The following MARCHF1 variants were observed in gnomAD, a reference collection of about 807,000 sequenced individuals.
MARCHF1 encodes membrane associated ring-CH-type finger 1.
MARCHF1 carries 40 observed loss-of-function variants against 54.2 expected under a neutral mutation model. The observed-to-expected ratio is 0.74, with a 90% CI of 0.57 to 0.96. MARCHF1 has a LOEUF of 0.96. Among genes scored for constraint, MARCHF1 ranks in the 40% least tolerant of loss-of-function variants. The pLI, the probability that MARCHF1 is intolerant of heterozygous loss-of-function variation, is 0.00. For missense variants in MARCHF1, 586 were observed against 656.5 expected (o/e 0.89, Z 1.17); for synonymous variants, 236 against 236.3 (o/e 1.00, Z 0.01).
intron 1 of MARCHF1, among the ~76,000 whole-genome samples, chr4:164,144,625 A>T (rs1448488104): frequency 0.15 from 20,012 of 137,538 alleles, 2,198 homozygotes; most frequent in African/African-American, 0.33. Context: ...GAAACCAACG[A>T]GAACAAAGAC....
chr4:164,016,552 C>A (rs140753197), intron 2 of MARCHF1, among the ~76,000 whole-genome samples: 1 of 152,056 alleles, frequency 6.6e-6, no homozygotes, highest in East Asian at 1.9e-4. Context: ...TGAAATAAGC[C>A]AGGAAGAGAA....
At chr4:163,831,244 G>T (rs975425779) in intron 4 of MARCHF1, among the ~76,000 whole-genome samples, 5 of 152,134 alleles carry the variant, frequency 3.3e-5, no homozygotes, top group Admixed American at 6.5e-5. Flanking sequence ...CAAGGAAATT[G>T]CCCAGGTGGA....
intron 3 of MARCHF1, among the ~76,000 whole-genome samples, chr4:163,983,836 G>T (rs1377992937): frequency 1.3e-5 from 2 of 152,192 alleles, no homozygotes; most frequent in East Asian, 3.9e-4. Context: ...AGGTTAAGTT[G>T]TCTTAACTGT....
intron 1 of MARCHF1, among the ~76,000 whole-genome samples, chr4:164,345,300 T>C (rs1230011756): frequency 6.6e-6 from 1 of 152,026 alleles, no homozygotes; most frequent in African/African-American, 2.4e-5. Context: ...GGCACAGTGG[T>C]TCAGGCCTGT....
At chr4:163,566,206 T>C (rs1739639931) in intron 8 of MARCHF1, among the ~76,000 whole-genome samples, 1 of 152,220 alleles carries the variant, frequency 6.6e-6, no homozygotes, top group Admixed American at 6.5e-5. Context: ...TAAACTGCAG[T>C]ATGAGTTTCA....
At chr4:163,844,679 T>A (rs995588424) in intron 4 of MARCHF1, among the ~76,000 whole-genome samples, 4 of 152,212 alleles carry the variant, frequency 2.6e-5, no homozygotes, top group Non-Finnish European at 4.4e-5. Context: ...TGAATGAGAA[T>A]ATAGCCAATC....
At chr4:163,689,389 G>T (rs1478409444) in intron 5 of MARCHF1, among the ~76,000 whole-genome samples, 3 of 152,190 alleles carry the variant, frequency 2.0e-5, no homozygotes, top group Admixed American at 6.5e-5. Flanking sequence ...GTTTTCTAGA[G>T]AAGTAATATC....
At chr4:163,826,273 C>T (rs538824426) in intron 4 of MARCHF1, among the ~76,000 whole-genome samples, 30 of 151,892 alleles carry the variant, frequency 2.0e-4, no homozygotes, top group African/African-American at 6.8e-4. Flanking sequence ...TTTACTTGCC[C>T]ACTGTAGATC....
rs565148943 is a variant in MARCHF1 at position 164,058,557 on chromosome 4, T to G, written c.-248+53031A>C. On this transcript the variant is annotated intron_variant, in intron 2 of 9. Coordinates refer to ENST00000514618, the MANE Select transcript of MARCHF1 (RefSeq NM_001394959.1). ...ATTCTTAATAATTTTATATTTGAAT[T>G]TATGTTTTGCTAGTGAAGCCTATGG... 1.0e-3 allele frequency among the ~76,000 whole-genome samples: 155 copies of G among 152,254 alleles called. 1 individual carries two copies. Among genetic ancestry groups the G allele is most frequent in the African/African-American group, 3.2e-3 (133 of 41,528 alleles).
intron 2 of MARCHF1, among the ~76,000 whole-genome samples, chr4:164,082,171 A>C (rs1755115621): frequency 2.0e-5 from 3 of 152,336 alleles, no homozygotes; most frequent in African/African-American, 7.2e-5. Flanking sequence ...AAATTCTCTG[A>C]AGAGCACACA....
rs1266424308 is a variant in MARCHF1, at chr4:163,526,524, G to A, written c.*2224C>T. 2 of 151,968 alleles carry A rather than the reference G, an allele frequency of 1.3e-5. No homozygotes were observed. Among genetic ancestry groups the A allele is most frequent in the Non-Finnish European group, 2.9e-5 (2 of 67,924 alleles). The allele number at this position is 151,968 out of a possible 1,614,324, so 9.4% of individuals were successfully genotyped here. ...CAATTAACAGGAAAATTGCATTAAG[G>A]TTAATCCCTTGGATATGGTGCCATG... On this transcript the variant is annotated 3_prime_UTR_variant, in exon 10 of 10. Coordinates refer to ENST00000514618, the MANE Select transcript of MARCHF1 (RefSeq NM_001394959.1).
intron 4 of MARCHF1, among the ~76,000 whole-genome samples, chr4:163,737,515 T>G (rs1330594341): frequency 9.8e-6 from 1 of 102,226 alleles, no homozygotes; most frequent in African/African-American, 3.0e-5. Flanking sequence ...TGGTTTCCAA[T>G]TTCATCCATG....
At chr4:163,673,118 ATT>A (rs1264144248) in intron 5 of MARCHF1, among the ~76,000 whole-genome samples, 1 of 152,204 alleles carries the variant, frequency 6.6e-6, no homozygotes, top group East Asian at 1.9e-4. Flanking sequence ...AAGGGCTGTA[ATT>A]CAGCCAACCA....
chr4:164,190,064 G>T, intron 1 of MARCHF1: 3 of 1,393,886 alleles, frequency 2.2e-6, no homozygotes, highest in East Asian at 4.6e-5. Flanking sequence ...CTACAAATGA[G>T]CTGGAAAGCT....
chr4:163,763,525 A>G (rs542831408), intron 4 of MARCHF1, among the ~76,000 whole-genome samples: 7 of 152,250 alleles, frequency 4.6e-5, no homozygotes, highest in East Asian at 1.9e-4. Flanking sequence ...CCAAGCCTTT[A>G]TAAGTTTTTA....
At chr4:164,253,808 A>T (rs1733190811) in intron 1 of MARCHF1, among the ~76,000 whole-genome samples, 1 of 152,156 alleles carries the variant, frequency 6.6e-6, no homozygotes, top group Non-Finnish European at 1.5e-5. Context: ...GGATAAAGAA[A>T]ATCTGACACA....
rs112116896 is a variant in MARCHF1 at position 163,528,722 on chromosome 4, G to A, written c.*26C>T. The A allele has an allele frequency of 2.8e-4, 442 of 1,576,354 alleles. No homozygotes were observed. The African/African-American group carries it at 3.5e-3, about 12-fold the overall frequency. ...GCTGAGGGCTAGAAAGATATTCTTC[G>A]GTGAAGAAACTCCCAACAGGTTCCA... On this transcript the variant is annotated 3_prime_UTR_variant, in exon 10 of 10. Transcript: ENST00000514618.
chr4:164,086,248 C>T (rs937756723), intron 2 of MARCHF1, among the ~76,000 whole-genome samples: 1 of 151,776 alleles, frequency 6.6e-6, no homozygotes, highest in Non-Finnish European at 1.5e-5. Context: ...AAGACCACTA[C>T]ACAAACTCTA....
At chr4:164,125,700 C>G (rs1016458185) in intron 1 of MARCHF1, among the ~76,000 whole-genome samples, 15 of 152,170 alleles carry the variant, frequency 9.9e-5, no homozygotes, top group Admixed American at 5.2e-4. Flanking sequence ...CAGCCTGTGG[C>G]CTTTAAGAAC....
Sources: gnomAD v4.1 joint callset for allele counts (sites outside exome capture counted in the v4.1 genomes callset) on GRCh38, gnomAD v4.1.1 for gene constraint, MANE v1.5 for transcripts, NCBI Gene and HGNC (gene_info 2026-07-23, HGNC 2026-07-21) for gene names.